The following RHBDL3 variants were observed in gnomAD, a reference collection of about 807,000 sequenced individuals.
RHBDL3 encodes rhomboid like 3.
Under a neutral mutation model 48.2 loss-of-function variants are expected in RHBDL3, and 28 were observed. The observed-to-expected ratio is 0.58, with a 90% CI of 0.43 to 0.80. The LOEUF is 0.80. RHBDL3 is among the 30% of genes least tolerant of loss of function. The probability of loss-of-function intolerance (pLI) is 0.00; values close to 1 mark genes in which losing one functional copy is unlikely to be tolerated. For missense variants in RHBDL3, 464 were observed against 542.7 expected, an observed-to-expected ratio of 0.85 and a Z score of 1.44; for synonymous variants, 208 against 232.3, an observed-to-expected ratio of 0.90 and a Z score of 0.95.
At position 32,293,579 on chromosome 17, in the gene RHBDL3, CA is replaced by C. The variant is rs5819974; in HGVS notation, c.520-702del. On this transcript the variant is annotated intron_variant, in intron 4 of 8. Coordinates refer to ENST00000269051, the MANE Select transcript of RHBDL3 (RefSeq NM_138328.3). ...TGGACGACAGAGCAAGACCCTGTCT[CA>C]AAAAAAAAAAAACCCAAAAAACTGA... Among the ~76,000 whole-genome samples, 250 of 120,294 alleles carry C rather than the reference CA, an allele frequency of 2.1e-3. No individual in the cohort carries two copies. The East Asian group carries it at 0.022, about 10-fold the overall frequency. The allele number at this position is 120,294 out of a possible 152,430, so 78.9% of individuals were successfully genotyped here.
At chr17:32,302,366 G>T (rs2040602585) in intron 6 of RHBDL3, among the ~76,000 whole-genome samples, 1 of 151,496 alleles carries the variant, frequency 6.6e-6, no homozygotes, top group Non-Finnish European at 1.5e-5. Flanking sequence ...GTTTTTTGGA[G>T]TTTTTTTTGA....
At position 32,324,562 on chromosome 17, in the gene RHBDL3, G is replaced by T. The variant is rs1272843790; in HGVS notation, c.*3333G>T. ...AAACAAAACACAGACTGCAATGTTT[G>T]TTTCTAAGTATTTTTGTATTGTGTA... On this transcript the variant is annotated 3_prime_UTR_variant, in exon 9 of 9. Transcript: ENST00000269051. 1 of 152,546 alleles carries T rather than the reference G, an allele frequency of 6.6e-6. No individual in the cohort carries two copies. The highest frequency in any genetic ancestry group is 2.4e-5 in the African/African-American group (1 of 41,428). The allele number at this position is 152,546 out of a possible 1,614,324, so 9.4% of individuals were successfully genotyped here.
At chr17:32,270,132 C>CAAAAAAAAAAAAAAAAAAA (rs66986205) in intron 2 of RHBDL3, among the ~76,000 whole-genome samples, 1 of 68,120 alleles carries the variant, frequency 1.5e-5, no homozygotes. Flanking sequence ...GACCCTTTCT[C>CAAAAAAAAAAAAAAAAAAA]AAAAAAAAAA....
At chr17:32,320,257 C>A (rs1316646630) in intron 8 of RHBDL3, among the ~76,000 whole-genome samples, 6 of 152,024 alleles carry the variant, frequency 3.9e-5, no homozygotes, top group Admixed American at 2.0e-4. Flanking sequence ...TAGAGTGAGA[C>A]CTGTGTCAAC....
intron 3 of RHBDL3, among the ~76,000 whole-genome samples, chr17:32,287,002 A>C (rs1173891989): frequency 6.6e-6 from 1 of 152,246 alleles, no homozygotes; most frequent in Non-Finnish European, 1.5e-5. Flanking sequence ...ACTAAGTATG[A>C]GTACCCGGGG....
At chr17:32,316,822 A>ATTTTATTTTATTTTATATTTTATTTTAT in intron 8 of RHBDL3, among the ~76,000 whole-genome samples, 1 of 148,956 alleles carries the variant, frequency 6.7e-6, no homozygotes, top group African/African-American at 2.5e-5. Context: ...CTGGCCTTTT[A>ATTTTATTTTATTTTATATTTTATTTTAT]TTTTATTTTA....
rs1455932309 is a variant in RHBDL3 at position 32,324,323 on chromosome 17, G to C, written c.*3094G>C. 1.3e-5 allele frequency: 2 copies of C among 152,616 alleles called. No homozygotes were observed. The highest frequency in any genetic ancestry group is 1.3e-4 in the Admixed American group (2 of 15,278). 9.5% of individuals were successfully genotyped at this position (152,616 alleles called of 1,614,324 possible). On this transcript the variant is annotated 3_prime_UTR_variant, in exon 9 of 9. Transcript: ENST00000269051. ...TCCATGAGAACCATTCTTGCCCAGA[G>C]GATTAGGGGAGCTGTTGCTCACCAC...
intron 1 of RHBDL3, 35 bp downstream of exon 1, chr17:32,266,335 G>C: frequency 1.7e-6 from 2 of 1,164,642 alleles, no homozygotes; most frequent in South Asian, 3.1e-5. Context: ...AAACTTTCTA[G>C]GGGGCGCCGG....
intron 2 of RHBDL3, among the ~76,000 whole-genome samples, chr17:32,283,489 A>C (rs1567768156): frequency 6.6e-6 from 1 of 151,508 alleles, no homozygotes; most frequent in African/African-American, 2.4e-5. Context: ...ACGCCCGGCT[A>C]CTTTTTTGTA....
intron 1 of RHBDL3, among the ~76,000 whole-genome samples, 174 bp downstream of exon 1, chr17:32,266,474 C>T (rs964045759): frequency 6.6e-6 from 1 of 152,122 alleles, no homozygotes; most frequent in Non-Finnish European, 1.5e-5. Flanking sequence ...CCCCGAAACG[C>T]GCGCGCACCG....
intron 6 of RHBDL3, among the ~76,000 whole-genome samples, chr17:32,304,009 G>T (rs2040650370): frequency 6.6e-6 from 1 of 152,144 alleles, no homozygotes; most frequent in Non-Finnish European, 1.5e-5. Context: ...TGAGCCCTGG[G>T]CTCTACCTCC....
chr17:32,273,062 G>A (rs1199503529), intron 2 of RHBDL3, among the ~76,000 whole-genome samples: 1 of 152,174 alleles, frequency 6.6e-6, no homozygotes, highest in Non-Finnish European at 1.5e-5. Context: ...GTGCAGTAGC[G>A]CGATCTCAGC....
chr17:32,321,225 C>G lies in RHBDL3; in HGVS notation c.1211C>G (p.Pro404Arg), dbSNP rs147187789. 132 of 1,614,088 alleles carry G rather than the reference C, an allele frequency of 8.2e-5. No homozygotes were observed. The highest frequency in any genetic ancestry group is 1.2e-4 in the African/African-American group (9 of 74,942). Residue 404 changes from proline to arginine, a missense_variant, in exon 9 of 9, where the codon CCC (proline) becomes CGC (arginine). Physicochemically the swap from Pro to Arg is moderately radical, Grantham distance 103 (BLOSUM62 -2). Transcript: ENST00000269051. ...CTGGACTTAAAGCTGCCGCCTCCCC[C>G]CTGAGGGCTGGAGGCCCAAGGTCGG... ...TLLDLKLPPPP is the reference protein window; with the variant it reads ...TLLDLKLPPPR
chr17:32,320,906 A>G (rs913424432), intron 8 of RHBDL3, 52 bp from the exon 9 acceptor site: 2 of 1,378,214 alleles, frequency 1.5e-6, no homozygotes, highest in Admixed American at 1.7e-5. Flanking sequence ...GAAGGCCCTC[A>G]GCCCCTGCTC....
Position 32,316,288 on chromosome 17 carries a change from C to T in RHBDL3, c.939C>T (p.Ile313=). The change falls in exon 8 of 9, where the codon ATC becomes ATT. Residue 313 remains isoleucine, a synonymous_variant. Transcript: ENST00000269051. ...FKLLRMAVAL[I]CMSMEFGRAV... is the part of the protein sequence containing the mutation. ...TGCTGCGGATGGCTGTGGCCCTTAT[C>T]TGTAGTAAGTACTGATGGGGCGCTG... is the stretch of plus-strand genomic sequence containing the variant. 5 of 1,612,496 alleles carry T rather than the reference C, an allele frequency of 3.1e-6. No individual in the cohort carries two copies. Among genetic ancestry groups the T allele is most frequent in the Non-Finnish European group, 4.2e-6 (5 of 1,178,530 alleles).
Position 32,323,148 on chromosome 17 carries a change from A to ATCC in RHBDL3, c.*1920_*1922dup, listed in dbSNP as rs2041179279. 6.6e-6 allele frequency: 1 copy of ATCC among 152,386 alleles called. No individual in the cohort carries two copies. Among genetic ancestry groups the ATCC allele is most frequent in the Non-Finnish European group, 1.5e-5 (1 of 68,148 alleles). The allele number at this position is 152,386 out of a possible 1,614,324, so 9.4% of individuals were successfully genotyped here. On this transcript the variant is annotated 3_prime_UTR_variant, in exon 9 of 9. Transcript: ENST00000269051. ...CTGCTAAATAGATTGCCCTGGCCTC[A>ATCC]TCCACATATGTAGTTCCCTAGGTCC... is the stretch of plus-strand genomic sequence containing the variant.
At chr17:32,316,772 CCT>C (rs1454797989) in intron 8 of RHBDL3, among the ~76,000 whole-genome samples, 2 of 152,072 alleles carry the variant, frequency 1.3e-5, no homozygotes, top group Admixed American at 1.3e-4. Context: ...CCTGCCTTGG[CCT>C]CTCAAGTTGC....
At chr17:32,283,533 C>T (rs1433551726) in intron 2 of RHBDL3, among the ~76,000 whole-genome samples, 2 of 151,428 alleles carry the variant, frequency 1.3e-5, no homozygotes, top group East Asian at 1.9e-4. Context: ...CCGTGTTAGC[C>T]AGGATGGTCT....
chr17:32,315,958 G>A (rs2040963233), intron 7 of RHBDL3, among the ~76,000 whole-genome samples: 1 of 151,916 alleles, frequency 6.6e-6, no homozygotes, highest in Non-Finnish European at 1.5e-5. Context: ...GCTCTGAGAT[G>A]TTCTCTGTCC....
Sources: gnomAD v4.1 joint callset for allele counts (sites outside exome capture counted in the v4.1 genomes callset) on GRCh38, gnomAD v4.1.1 for gene constraint, MANE v1.5 for transcripts, NCBI Gene and HGNC (gene_info 2026-07-23, HGNC 2026-07-21) for gene names.